The following KIF5C variants were observed in gnomAD, a reference collection of about 807,000 sequenced individuals.
KIF5C encodes kinesin heavy chain isoform 5C.
In KIF5C, 18 loss-of-function variants were observed where a neutral mutation model predicts 125.2. The ratio of observed to expected loss-of-function variants is 0.14; its 90% CI spans 0.10 to 0.21. The LOEUF (loss-of-function observed/expected upper bound fraction) is 0.21. KIF5C is among the 10% of genes least tolerant of loss of function. KIF5C has a pLI of 1.00. For synonymous variants in KIF5C, 405 were observed against 434.0 expected (o/e 0.93, Z 0.83); for missense variants, 780 against 1,183.8 (o/e 0.66, Z 5.01).
chr2:148,973,428 C>G lies in KIF5C; in HGVS notation c.1210C>G (p.Pro404Ala). The G allele has an allele frequency of 6.2e-7, 1 of 1,613,718 alleles. No homozygotes were observed. The highest frequency in any genetic ancestry group is 2.2e-5 in the East Asian group (1 of 44,874). Residue 404 changes from proline (P) to alanine (A), a missense_variant, in exon 12 of 26, where the codon CCT (proline) becomes GCT (alanine). By Grantham distance (27) the Pro-to-Ala change is conservative. Around this residue, in one of 2 missense-constraint regions of KIF5C, gnomAD observed 573 missense variants for 742.6 expected, o/e 0.77. Transcript: ENST00000435030. ...DNTPIIDNIA[P>A]VVAGISTEEK... ...CACCCCCATCATAGACAATATTGCT[C>G]CTGTTGTTGCTGGCATCTCTACAGA...
chr2:148,956,461 T>A (rs754452661), intron 10 of KIF5C, among the ~76,000 whole-genome samples: 2 of 152,228 alleles, frequency 1.3e-5, no homozygotes, highest in Non-Finnish European at 2.9e-5. Context: ...TGGTCTGCCT[T>A]TCCTAAGGGT....
chr2:148,989,075 T>C lies in KIF5C; in HGVS notation c.1717-1935T>C, dbSNP rs368005528. Reference sequence around the variant, plus strand: ...TGGTGCACCCATCACCTAAGCAGTGTACACTGTACCCAGTGTGTGCTCTTT... The same window carrying C: ...TGGTGCACCCATCACCTAAGCAGTGCACACTGTACCCAGTGTGTGCTCTTT... On this transcript the variant is annotated intron_variant, in intron 15 of 25. Transcript: ENST00000435030. Among the ~76,000 whole-genome samples, 3 of 152,182 alleles carry C rather than the reference T, an allele frequency of 2.0e-5. No homozygotes were observed. The East Asian group carries it at 5.8e-4, about 29-fold the overall frequency.
At chr2:148,913,044 T>G (rs1681403708) in intron 1 of KIF5C, among the ~76,000 whole-genome samples, 1 of 152,230 alleles carries the variant, frequency 6.6e-6, no homozygotes, top group South Asian at 2.1e-4. Flanking sequence ...TAATGACTAT[T>G]GCTAGTTTTG....
chr2:148,955,107 C>T (rs544415487), intron 10 of KIF5C, among the ~76,000 whole-genome samples: 9 of 152,210 alleles, frequency 5.9e-5, no homozygotes, highest in African/African-American at 1.9e-4. Context: ...TCCCTCCTTC[C>T]CTCACAAGCA....
At chr2:148,966,978 G>A (rs1680745172) in intron 11 of KIF5C, among the ~76,000 whole-genome samples, 1 of 152,136 alleles carries the variant, frequency 6.6e-6, no homozygotes, top group Non-Finnish European at 1.5e-5. Flanking sequence ...CCAGTCTATG[G>A]TACTTTCTTA....
chr2:148,963,771 A>G (rs1316699061), intron 11 of KIF5C, among the ~76,000 whole-genome samples: 3 of 152,144 alleles, frequency 2.0e-5, no homozygotes, highest in Non-Finnish European at 4.4e-5. Context: ...CTTTAGAAAC[A>G]TTACAGGGTG....
At chr2:148,889,288 A>T (rs1334436983) in intron 1 of KIF5C, among the ~76,000 whole-genome samples, 1 of 152,298 alleles carries the variant, frequency 6.6e-6, no homozygotes, top group East Asian at 1.9e-4. Flanking sequence ...GTATCTTAGA[A>T]TTTTTTTCCC....
In KIF5C at chr2:149,023,563, A is replaced by T. The variant is rs1328675754; in HGVS notation, c.*493A>T. The T allele has an allele frequency of 6.6e-6, 1 of 152,658 alleles. No individual in the cohort carries two copies. Among genetic ancestry groups the T allele is most frequent in the Non-Finnish European group, 1.5e-5 (1 of 68,048 alleles). 9.5% of individuals were successfully genotyped at this position (152,658 alleles called of 1,614,324 possible). On this transcript the variant is annotated 3_prime_UTR_variant, in exon 26 of 26. Coordinates refer to ENST00000435030, the MANE Select transcript of KIF5C (RefSeq NM_004522.3). The stretch of plus-strand genomic sequence containing the variant: ...AGGGTTCAAAGTTTTCCTTCTGAAC[A>T]CTTTTCCGAAACAAATTACCCCAAA...
intron 21 of KIF5C, 56 bp from the exon 22 acceptor site, chr2:149,005,337 G>C: frequency 1.3e-6 from 2 of 1,588,588 alleles, no homozygotes; most frequent in Non-Finnish European, 1.7e-6. Context: ...GGTGCCAAAT[G>C]TGTCATAAAT....
At chr2:148,935,280 A>G (rs1381741050) in intron 3 of KIF5C, among the ~76,000 whole-genome samples, 2 of 152,212 alleles carry the variant, frequency 1.3e-5, no homozygotes, top group East Asian at 3.8e-4. Context: ...ATTGAAAGGG[A>G]AAGCATCTAG....
At chr2:148,920,995 A>T (rs1297907856) in intron 1 of KIF5C, among the ~76,000 whole-genome samples, 1 of 152,136 alleles carries the variant, frequency 6.6e-6, no homozygotes, top group African/African-American at 2.4e-5. Context: ...GCTGTGGAAG[A>T]GGGTGAGCAT....
intron 10 of KIF5C, among the ~76,000 whole-genome samples, chr2:148,954,801 A>C (rs1682753606): frequency 6.6e-6 from 1 of 152,180 alleles, no homozygotes; most frequent in Non-Finnish European, 1.5e-5. Flanking sequence ...GTGCATATGA[A>C]ATTTATGTCA....
At chr2:148,939,771 A>G (rs1002287567) in intron 4 of KIF5C, among the ~76,000 whole-genome samples, 2 of 152,246 alleles carry the variant, frequency 1.3e-5, no homozygotes, top group Non-Finnish European at 2.9e-5. Flanking sequence ...GACTAAGGCA[A>G]TATCGAAAAT....
At chr2:149,021,641 A>G (rs1026235205) in intron 25 of KIF5C, among the ~76,000 whole-genome samples, 1 of 152,116 alleles carries the variant, frequency 6.6e-6, no homozygotes, top group Non-Finnish European at 1.5e-5. Flanking sequence ...ACCACAGTTG[A>G]GCACCAAATG....
At chr2:148,946,508 A>G (rs1025416214) in intron 7 of KIF5C, among the ~76,000 whole-genome samples, 1 of 152,222 alleles carries the variant, frequency 6.6e-6, no homozygotes, top group Admixed American at 6.6e-5. Flanking sequence ...TGACTAAGAT[A>G]GACTACATCA....
intron 6 of KIF5C, 96 bp from the exon 7 acceptor site, chr2:148,942,577 C>A: frequency 2.0e-6 from 3 of 1,521,934 alleles, no homozygotes; most frequent in Non-Finnish European, 2.7e-6. Flanking sequence ...TATTTATCTG[C>A]ACCTCTAGAA....
At chr2:148,880,589 A>G (rs894833939) in intron 1 of KIF5C, among the ~76,000 whole-genome samples, 1 of 152,252 alleles carries the variant, frequency 6.6e-6, no homozygotes, top group Non-Finnish European at 1.5e-5. Context: ...ACTGTTTTCT[A>G]AAGTGGTTGT....
intron 25 of KIF5C, among the ~76,000 whole-genome samples, chr2:149,017,571 C>T (rs1186233997): frequency 1.3e-5 from 2 of 152,182 alleles, no homozygotes; most frequent in Non-Finnish European, 2.9e-5. Flanking sequence ...GTTCAAATGT[C>T]TCCACCAGAT....
Position 148,875,575 on chromosome 2 carries a change from G to GGCCCCCCCCCCACCCCCC in KIF5C, c.-43_-42insGCCCCCCCCCCACCCCCC. The GGCCCCCCCCCCACCCCCC allele has an allele frequency of 1.4e-6, 1 of 699,604 alleles. No individual in the cohort carries two copies. The highest frequency in any genetic ancestry group is 2.6e-6 in the Non-Finnish European group (1 of 389,228). 43.3% of individuals were successfully genotyped at this position (699,604 alleles called of 1,614,324 possible). On this transcript the variant is annotated 5_prime_UTR_variant, in exon 1 of 26. Coordinates refer to ENST00000435030, the MANE Select transcript of KIF5C (RefSeq NM_004522.3). ...TCCTCCCTCGTCGTTCCCGGCCCCG[G>GGCCCCCCCCCCACCCCCC]CCCCCCACCCATCCCCGTGCCCCCT...
Sources: gnomAD v4.1 joint callset for allele counts (sites outside exome capture counted in the v4.1 genomes callset) on GRCh38, gnomAD v4.1.1 for gene constraint, gnomAD v4.1.1 regional missense constraint, MANE v1.5 for transcripts, NCBI Gene and HGNC (gene_info 2026-07-23, HGNC 2026-07-21) for gene names.